Variants in PMEL observed in about 807,000 individuals in gnomAD.
PMEL encodes the protein premelanosome protein.
Under a neutral mutation model 64.9 loss-of-function variants are expected in PMEL, and 53 were observed. The ratio of observed to expected loss-of-function variants is 0.82; its 90% CI spans 0.66 to 1.03. PMEL has a LOEUF of 1.03. Among genes scored for constraint, PMEL ranks in the 50% least tolerant of loss-of-function variants. The pLI, the probability that PMEL is intolerant of heterozygous loss-of-function variation, is 0.00. For missense variants in PMEL, 716 were observed against 814.9 expected (o/e 0.88, Z 1.48); for synonymous variants, 299 against 316.2 (o/e 0.95, Z 0.58).
intron 3 of PMEL, among the ~76,000 whole-genome samples, chr12:55,959,216 C>T (rs949539206): frequency 6.6e-6 from 1 of 151,116 alleles, no homozygotes; most frequent in East Asian, 2.0e-4. Context: ...CCTGTCTCTA[C>T]AAAATACATT....
chr12:55,963,608 C>T (rs573769514), intron 1 of PMEL, among the ~76,000 whole-genome samples: 1 of 152,224 alleles, frequency 6.6e-6, no homozygotes, highest in Admixed American at 6.5e-5. Flanking sequence ...AAATCAGGAT[C>T]CAAAATATAA....
At chr12:55,961,777 C>G in intron 1 of PMEL, 45 bp from the exon 2 acceptor site, 1 of 1,196,436 alleles carries the variant, frequency 8.4e-7, no homozygotes, top group Non-Finnish European at 1.3e-6. Flanking sequence ...CTTTCAGTTC[C>G]TTCTCAGGGA....
Position 55,961,726 on chromosome 12 carries a change from C to T in PMEL, c.83G>A (p.Arg28Lys). 7 of 1,612,670 alleles carry T rather than the reference C, an allele frequency of 4.3e-6. No individual in the cohort carries two copies. The highest frequency in any genetic ancestry group is 5.9e-6 in the Non-Finnish European group (7 of 1,178,860). ...LLAVGATKVP[R>K]NQDWLGVSRQ... ...TGAGACACCAAGCCAGTCCTGGTTT[C>T]TGGGTACTAAAAGGAATGTGCCATG... Residue 28 changes from arginine to lysine, a missense_variant, in exon 2 of 11, where the codon AGA (arginine) becomes AAA (lysine). Coordinates refer to ENST00000548747, the MANE Select transcript of PMEL (RefSeq NM_001384361.1).
At chr12:55,962,771 T>G (rs1459684692) in intron 1 of PMEL, among the ~76,000 whole-genome samples, 1 of 151,804 alleles carries the variant, frequency 6.6e-6, no homozygotes, top group Non-Finnish European at 1.5e-5. Context: ...CCTCAAGTGA[T>G]CCAACCGCTT....
At chr12:55,966,102 C>A (rs780933791), upstream of PMEL, 8 of 1,600,788 alleles carry the variant, frequency 5.0e-6, no homozygotes, top group Non-Finnish European at 6.8e-6. Context: ...AGCCCTTCCT[C>A]TTCTCCCTCA....
chr12:55,959,688 C>T (rs944629739), intron 3 of PMEL, among the ~76,000 whole-genome samples: 1 of 151,998 alleles, frequency 6.6e-6, no homozygotes, highest in Non-Finnish European at 1.5e-5. Flanking sequence ...GCCTATAATC[C>T]CAGCTACCCA....
chr12:55,957,351 C>T lies in PMEL; in HGVS notation c.952G>A (p.Glu318Lys). 6.3e-6 allele frequency: 10 copies of T among 1,596,768 alleles called. No individual in the cohort carries two copies. Among genetic ancestry groups the T allele is most frequent in the Non-Finnish European group, 6.8e-6 (8 of 1,169,792 alleles). ...TGGCCAGCTGTGGTGTTAGGGGCCT[C>T]TGCAGTTGGCCTGTGCCCATCTGTG... The part of the protein sequence containing the change: ...GTTDGHRPTA[E>K]APNTTAGQVP... Residue 318 changes from glutamate (E) to lysine (K), a missense_variant, in exon 6 of 11, where the codon GAG (glutamate) becomes AAG (lysine). Glu to Lys is a moderately conservative substitution (Grantham distance 56). Transcript: ENST00000548747.
At chr12:55,963,589 T>C (rs910916067) in intron 1 of PMEL, among the ~76,000 whole-genome samples, 4 of 152,246 alleles carry the variant, frequency 2.6e-5, no homozygotes, top group Admixed American at 1.3e-4. Context: ...AAATGTCTTA[T>C]GATTTTTAAA....
chr12:55,961,512 G>GT, intron 2 of PMEL, 49 bp from the exon 3 acceptor site: 2 of 1,608,862 alleles, frequency 1.2e-6, no homozygotes, highest in Non-Finnish European at 1.7e-6. Context: ...TCCCCTCCCT[G>GT]TATACGTTTC....
upstream of PMEL, chr12:55,966,202 C>T (rs1304484582): frequency 2.4e-5 from 20 of 824,462 alleles, no homozygotes; most frequent in African/African-American, 5.2e-5. Context: ...CATCCTGCTA[C>T]TCAATGACAG....
At chr12:55,964,224 G>C (rs1370220475) in intron 1 of PMEL, among the ~76,000 whole-genome samples, 1 of 149,476 alleles carries the variant, frequency 6.7e-6, no homozygotes, top group South Asian at 2.1e-4. Context: ...ACAATGGCAC[G>C]ATCTCAGCTT....
intron 1 of PMEL, among the ~76,000 whole-genome samples, chr12:55,964,684 G>T (rs559445820): frequency 6.6e-6 from 1 of 151,894 alleles, no homozygotes; most frequent in Non-Finnish European, 1.5e-5. Flanking sequence ...GGAATGCAAT[G>T]GTGTGATCTC....
Position 55,958,583 on chromosome 12 carries a change from G to A in PMEL, c.359C>T (p.Pro120Leu), listed in dbSNP as rs1888988009. Residue 120 changes from proline (P) to leucine (L), a missense_variant, in exon 4 of 11, where the codon CCA (proline) becomes CTA (leucine). Coordinates refer to ENST00000548747, the MANE Select transcript of PMEL (RefSeq NM_001384361.1). The part of the protein sequence containing the change: ...INGSQVWGGQ[P>L]VYPQETDDAC... Reference sequence around the variant, plus strand: ...ATCGTCAGTTTCCTGGGGATACACTGGCTGTCCTCCCCACACCTGGCTCCC... The same window carrying A: ...ATCGTCAGTTTCCTGGGGATACACTAGCTGTCCTCCCCACACCTGGCTCCC... 6.2e-7 allele frequency: 1 copy of A among 1,613,960 alleles called. No individual in the cohort carries two copies. The highest frequency in any genetic ancestry group is 8.5e-7 in the Non-Finnish European group (1 of 1,179,898).
chr12:55,964,776 C>T (rs1057212551), intron 1 of PMEL, among the ~76,000 whole-genome samples: 1 of 151,822 alleles, frequency 6.6e-6, no homozygotes, highest in Non-Finnish European at 1.5e-5. Flanking sequence ...CAGGTGCGTA[C>T]CACCATGCCC....
intron 1 of PMEL, among the ~76,000 whole-genome samples, chr12:55,964,350 G>A (rs1592776380): frequency 6.6e-6 from 1 of 151,818 alleles, no homozygotes; most frequent in Non-Finnish European, 1.5e-5. Context: ...AGTAGAGACT[G>A]GGTTTCTCTA....
Position 55,957,157 on chromosome 12 carries a change from T to A in PMEL, c.1146A>T (p.Ser382=). Residue 382 remains serine (S), a synonymous_variant, in exon 6 of 11, where the codon TCA becomes TCT. Transcript: ENST00000548747. ...TGMTPEKVPV[S]EVMGTTLAEM... The stretch of plus-strand genomic sequence containing the variant: ...CTGCCAGTGTGGTACCCATGACCTC[T>A]GAAACTGGCACCTTCTCAGGTGTCA... 1 of 1,614,202 alleles carries A rather than the reference T, an allele frequency of 6.2e-7. No homozygotes were observed. Among genetic ancestry groups the A allele is most frequent in the Non-Finnish European group, 8.5e-7 (1 of 1,180,026 alleles).
rs202158966 is a variant in PMEL, at chr12:55,956,095, A to C, written c.1471+8T>G. On this transcript the variant is annotated splice_region_variant and intron_variant, in intron 7 of 10. Coordinates refer to ENST00000548747, the MANE Select transcript of PMEL (RefSeq NM_001384361.1). Reference sequence around the variant, plus strand: ...CCTCCATCAGCCACCAAAGTAGGCAAGACTCACGGACAATGTCCAGGGTGA... The same window carrying C: ...CCTCCATCAGCCACCAAAGTAGGCACGACTCACGGACAATGTCCAGGGTGA... 14 of 1,591,934 alleles carry C rather than the reference A, an allele frequency of 8.8e-6. No homozygotes were observed. The Admixed American group carries it at 1.3e-4, about 15-fold the overall frequency.
Position 55,965,833 on chromosome 12 carries a change from G to C in PMEL, c.76+103C>G, listed in dbSNP as rs1889277966. The C allele has an allele frequency of 5.1e-6, 7 of 1,369,530 alleles. No individual in the cohort carries two copies. The African/African-American group carries it at 5.7e-5, about 11-fold the overall frequency. 84.8% of individuals were successfully genotyped at this position (1,369,530 alleles called of 1,614,324 possible). ...TCACTAAATCAAATGAGTGGGAGAC[G>C]CCTGAAATATTGCCGCTATCTCCCA... On this transcript the variant is annotated intron_variant, in intron 1 of 10. Coordinates refer to ENST00000548747, the MANE Select transcript of PMEL (RefSeq NM_001384361.1).
intron 3 of PMEL, among the ~76,000 whole-genome samples, chr12:55,959,553 C>T (rs1239205345): frequency 6.6e-6 from 1 of 151,992 alleles, no homozygotes; most frequent in East Asian, 1.9e-4. Flanking sequence ...ACCTGTAATC[C>T]TAGCACTTTG....
Sources: allele counts gnomAD v4.1 joint callset (sites outside exome capture counted in the v4.1 genomes callset), GRCh38; gene constraint gnomAD v4.1.1; transcripts MANE v1.5; gene names NCBI Gene and HGNC (gene_info 2026-07-23, HGNC 2026-07-21).